Variants in DACH1 observed in about 807,000 individuals in gnomAD.
DACH1 encodes dachshund family transcription factor 1, also known as dachshund homolog 1.
DACH1 carries 12 observed loss-of-function variants against 54.2 expected under a neutral mutation model. The observed-to-expected ratio is 0.22, with a 90% CI of 0.14 to 0.36. DACH1 has a LOEUF of 0.36. Ranked by LOEUF, DACH1 falls within the 10% of genes least tolerant of loss-of-function variation. The probability of loss-of-function intolerance (pLI) is 1.00; values close to 1 mark genes in which losing one functional copy is unlikely to be tolerated. For synonymous variants in DACH1, 386 were observed against 366.2 expected (o/e 1.05, Z -0.62); for missense variants, 805 against 929.8 (o/e 0.87, Z 1.75).
intron 10 of DACH1, among the ~76,000 whole-genome samples, chr13:71,470,366 T>G (rs1236382346): frequency 6.6e-6 from 1 of 151,320 alleles, no homozygotes; most frequent in Non-Finnish European, 1.5e-5. Context: ...TGGAGTGCAG[T>G]GGTGCAACTT....
rs1482404973 is a variant in DACH1 at position 71,773,478 on chromosome 13, C to T, written c.849-91568G>A. On this transcript the variant is annotated intron_variant, in intron 1 of 10. Transcript: ENST00000613252. ...GTTCTATTTTAACTCAAAACTAAAC[C>T]AATGAAATGTTTGGTAATTGTAAAA... Among the ~76,000 whole-genome samples the T allele has an allele frequency of 2.6e-5, 4 of 151,930 alleles. No individual in the cohort carries two copies. The East Asian group carries it at 7.7e-4, about 29-fold the overall frequency.
intron 6 of DACH1, among the ~76,000 whole-genome samples, chr13:71,540,618 A>C (rs1883069378): frequency 6.6e-6 from 1 of 152,100 alleles, no homozygotes; most frequent in Non-Finnish European, 1.5e-5. Context: ...CATATCAAAA[A>C]ATCCAGATTT....
At chr13:71,666,711 G>A (rs1290544164) in intron 2 of DACH1, among the ~76,000 whole-genome samples, 1 of 152,222 alleles carries the variant, frequency 6.6e-6, no homozygotes. Context: ...ACCAGGTGCA[G>A]TGGCTCACGC....
At chr13:71,766,829 G>A (rs1220697662) in intron 1 of DACH1, among the ~76,000 whole-genome samples, 3 of 140,770 alleles carry the variant, frequency 2.1e-5, no homozygotes, top group Non-Finnish European at 4.8e-5. Context: ...GTTTCCTCCT[G>A]AGAAAAGGCT....
intron 1 of DACH1, among the ~76,000 whole-genome samples, chr13:71,791,599 G>A (rs1043018712): frequency 6.6e-6 from 1 of 152,108 alleles, no homozygotes; most frequent in Admixed American, 6.5e-5. Context: ...GGCCAGAGTG[G>A]TCTCCAACTT....
At position 71,682,258 on chromosome 13, in the gene DACH1, C is replaced by T. The variant is rs1880945781; in HGVS notation, c.849-348G>A. 3.3e-5 allele frequency among the ~76,000 whole-genome samples: 5 copies of T among 152,322 alleles called. No homozygotes were observed. In the South Asian group the frequency reaches 1.0e-3, roughly 32 times the overall value. ...ACTAACTTGTAATAATTATTACAGT[C>T]AGCCTGCTATTGATTTATGAGAGTT... On this transcript the variant is annotated intron_variant, in intron 1 of 10. Transcript: ENST00000613252.
intron 4 of DACH1, among the ~76,000 whole-genome samples, chr13:71,571,323 C>T (rs957614530): frequency 1.3e-5 from 2 of 152,008 alleles, no homozygotes; most frequent in African/African-American, 4.8e-5. Context: ...GGGTTTTTCC[C>T]TCCGCCAAAC....
intron 1 of DACH1, among the ~76,000 whole-genome samples, chr13:71,780,436 C>A (rs1886323016): frequency 6.6e-6 from 1 of 151,788 alleles, no homozygotes; most frequent in African/African-American, 2.4e-5. Context: ...TTTTGTTTAT[C>A]CCTTATAAAA....
intron 6 of DACH1, among the ~76,000 whole-genome samples, chr13:71,491,723 T>G (rs1878997957): frequency 6.6e-6 from 1 of 152,188 alleles, no homozygotes; most frequent in African/African-American, 2.4e-5. Flanking sequence ...GACCCTATTA[T>G]CAGACATAAA....
Position 71,866,526 on chromosome 13 carries a change from TGCCGCCGCCGCC to T in DACH1, c.232_243del (p.Gly78_Gly81del), listed in dbSNP as rs748058171. ...CCGCTGCTGCCGCCGCCGCCTCCGC[TGCCGCCGCCGCC>T]GCCGCCGCCGCCGGTAGAGGTGACT... On this transcript the variant is annotated inframe_deletion, in exon 1 of 11. Transcript: ENST00000613252. The T allele has an allele frequency of 3.3e-5, 41 of 1,233,914 alleles. 1 individual carries two copies. In the Middle Eastern group the frequency reaches 9.3e-4, roughly 28 times the overall value. 76.4% of individuals were successfully genotyped at this position (1,233,914 alleles called of 1,614,324 possible). A position where few individuals can be genotyped will look rare whatever the true frequency, so the allele number is the denominator to read the frequency against.
intron 10 of DACH1, among the ~76,000 whole-genome samples, chr13:71,472,134 T>C (rs1877134637): frequency 6.6e-6 from 1 of 152,190 alleles, no homozygotes; most frequent in South Asian, 2.1e-4. Context: ...GGAAGAAGTT[T>C]TTTTAAAATT....
intron 6 of DACH1, among the ~76,000 whole-genome samples, chr13:71,497,858 TGA>T (rs1491339860): frequency 1.1e-3 from 73 of 66,758 alleles, no homozygotes; most frequent in African/African-American, 3.8e-3. Context: ...AAATATGTGT[TGA>T]CACACACACA....
Position 71,438,555 on chromosome 13 carries a change from C to A in DACH1, c.*2100G>T, listed in dbSNP as rs1873713210. ...TTCAAATCAAACACTAAAGCATTCT[C>A]AAAGGTCTTCAAATATGTATTTTAA... On this transcript the variant is annotated 3_prime_UTR_variant, in exon 11 of 11. Coordinates refer to ENST00000613252, the MANE Select transcript of DACH1 (RefSeq NM_080759.6). 6.7e-6 allele frequency: 1 copy of A among 150,178 alleles called. No homozygotes were observed. The highest frequency in any genetic ancestry group is 6.7e-5 in the Admixed American group (1 of 14,888). The allele number at this position is 150,178 out of a possible 1,614,324, so 9.3% of individuals were successfully genotyped here. A position where few individuals can be genotyped will look rare whatever the true frequency, so the allele number is the denominator to read the frequency against.
chr13:71,835,218 C>A (rs1594279975), intron 1 of DACH1, among the ~76,000 whole-genome samples: 1 of 151,956 alleles, frequency 6.6e-6, no homozygotes, highest in East Asian at 1.9e-4. Flanking sequence ...GGCCTGTTCA[C>A]TTAATGAATA....
chr13:71,455,082 G>A (rs1028761995), intron 10 of DACH1, among the ~76,000 whole-genome samples: 2 of 152,082 alleles, frequency 1.3e-5, no homozygotes, highest in South Asian at 2.1e-4. Flanking sequence ...TTTCTCCTAG[G>A]AGCCTGCCTG....
At chr13:71,586,128 G>A (rs1200148841) in intron 3 of DACH1, among the ~76,000 whole-genome samples, 1 of 152,016 alleles carries the variant, frequency 6.6e-6, no homozygotes, top group East Asian at 1.9e-4. Flanking sequence ...TGTTTGGAAG[G>A]TTTCACATAC....
At chr13:71,719,724 G>T (rs1948766617) in intron 1 of DACH1, among the ~76,000 whole-genome samples, 1 of 152,016 alleles carries the variant, frequency 6.6e-6, no homozygotes, top group Admixed American at 6.6e-5. Context: ...AATTAGCCTG[G>T]CTTGGTGGCA....
chr13:71,793,329 A>G (rs2138100781), intron 1 of DACH1, among the ~76,000 whole-genome samples: 1 of 152,316 alleles, frequency 6.6e-6, no homozygotes, highest in East Asian at 1.9e-4. Flanking sequence ...TTGAGACTCA[A>G]GAAAATAGAA....
intron 1 of DACH1, among the ~76,000 whole-genome samples, chr13:71,839,355 C>T (rs1479421543): frequency 2.0e-5 from 3 of 152,148 alleles, no homozygotes; most frequent in African/African-American, 7.2e-5. Context: ...CACCTGTAAT[C>T]CCAGCACTTT....
Sources: allele counts gnomAD v4.1 joint callset (sites outside exome capture counted in the v4.1 genomes callset), GRCh38; gene constraint gnomAD v4.1.1; transcripts MANE v1.5; gene names NCBI Gene and HGNC (gene_info 2026-07-23, HGNC 2026-07-21).